Variants in ZBTB20 observed in about 807,000 individuals in gnomAD.
The protein encoded by ZBTB20 is zinc finger and BTB domain containing 20.
ZBTB20 carries 9 observed loss-of-function variants against 56.9 expected under a neutral mutation model. The ratio of observed to expected loss-of-function variants is 0.16; its 90% confidence interval spans 0.10 to 0.28. ZBTB20 has a LOEUF of 0.28. ZBTB20 is among the 10% of genes least tolerant of loss of function. The probability of loss-of-function intolerance (pLI) is 1.00; values close to 1 mark genes in which losing one functional copy is unlikely to be tolerated. For missense variants in ZBTB20, 655 were observed against 1,003.0 expected (o/e 0.65, Z 4.69); for synonymous variants, 417 against 420.7 (o/e 0.99, Z 0.11).
chr3:114,976,966 A>T (rs11917135), intron 2 of ZBTB20, among the ~76,000 whole-genome samples: 16,100 of 152,134 alleles, frequency 0.11, 2,521 homozygotes, highest in African/African-American at 0.34. Context: ...TGAATCAATC[A>T]AACTCTGTTA....
chr3:114,992,825 C>T (rs115938466), intron 2 of ZBTB20, among the ~76,000 whole-genome samples: 2,272 of 151,924 alleles, frequency 0.015, 39 homozygotes, highest in African/African-American at 0.019. Flanking sequence ...AACCCAGATA[C>T]GTGCCATGAG....
At chr3:114,588,348 C>T (rs1294812165) in intron 6 of ZBTB20, among the ~76,000 whole-genome samples, 1 of 152,190 alleles carries the variant, frequency 6.6e-6, no homozygotes, top group Admixed American at 6.5e-5. Context: ...GTTACTCAGT[C>T]TTAAAATGAA....
intron 10 of ZBTB20, among the ~76,000 whole-genome samples, chr3:114,354,510 ACATGTAACATCT>A (rs1157314340): frequency 1.3e-5 from 2 of 150,930 alleles, no homozygotes; most frequent in Admixed American, 6.6e-5. Context: ...CAACTTTTTT[ACATGTAACATCT>A]CATTTATTCC....
intron 6 of ZBTB20, among the ~76,000 whole-genome samples, chr3:114,503,686 A>G (rs1348892485): frequency 2.0e-5 from 3 of 152,106 alleles, no homozygotes; most frequent in Non-Finnish European, 4.4e-5. Flanking sequence ...AGCCCAAGTA[A>G]TTCAGGACGT....
intron 2 of ZBTB20, among the ~76,000 whole-genome samples, chr3:115,044,307 AAAAAC>A (rs1453041376): frequency 6.6e-6 from 1 of 152,210 alleles, no homozygotes; most frequent in South Asian, 2.1e-4. Context: ...TTGCAGCGAG[AAAAAC>A]AAAACAAAAC....
intron 3 of ZBTB20, among the ~76,000 whole-genome samples, chr3:114,961,857 G>T (rs572818504): frequency 1.3e-5 from 2 of 152,208 alleles, no homozygotes; most frequent in South Asian, 4.1e-4. Context: ...TAATAAGAAT[G>T]CTATTGTTAT....
At chr3:115,127,030 T>C (rs1304040040) in intron 1 of ZBTB20, among the ~76,000 whole-genome samples, 2 of 152,330 alleles carry the variant, frequency 1.3e-5, no homozygotes, top group East Asian at 1.9e-4. Context: ...TATGAATGAC[T>C]TGGAGTCTTG....
intron 3 of ZBTB20, among the ~76,000 whole-genome samples, chr3:114,964,031 T>TAAATACTTTGAGC (rs2077550517): frequency 6.6e-6 from 1 of 152,176 alleles, no homozygotes; most frequent in African/African-American, 2.4e-5. Context: ...ATTTATTGAG[T>TAAATACTTTGAGC]AAATACTTTG....
chr3:114,665,906 A>T (rs975967215), intron 6 of ZBTB20, among the ~76,000 whole-genome samples: 14 of 152,052 alleles, frequency 9.2e-5, no homozygotes, highest in African/African-American at 3.4e-4. Context: ...TAAGATAGCA[A>T]TATTGTAGCT....
rs201595923 is a variant in ZBTB20, at chr3:114,814,400, TC to T, written c.-416-13227del. On this transcript the variant is annotated intron_variant, in intron 4 of 11. Coordinates refer to ENST00000675478, the MANE Select transcript of ZBTB20 (RefSeq NM_001348800.3). ...TACTGTATATTTGTCTATCTACCCT[TC>T]CATGTAACAATTCATCTAAATTTAC... Among the ~76,000 whole-genome samples, 1,149 of 152,062 alleles carry T rather than the reference TC, an allele frequency of 7.6e-3. 11 individuals carry two copies. Among genetic ancestry groups the T allele is most frequent in the African/African-American group, 0.026 (1,093 of 41,496 alleles).
intron 3 of ZBTB20, among the ~76,000 whole-genome samples, chr3:114,921,407 G>A (rs2075953253): frequency 6.6e-6 from 1 of 152,050 alleles, no homozygotes; most frequent in African/African-American, 2.4e-5. Flanking sequence ...ACAGGTGTGA[G>A]CCACCGTGCC....
intron 6 of ZBTB20, among the ~76,000 whole-genome samples, chr3:114,531,942 C>T (rs772790529): frequency 3.3e-5 from 5 of 152,140 alleles, no homozygotes; most frequent in Non-Finnish European, 5.9e-5. Flanking sequence ...CCATGAGGTT[C>T]GGTGTATTCC....
intron 2 of ZBTB20, among the ~76,000 whole-genome samples, chr3:115,048,919 A>C (rs150902507): frequency 2.0e-5 from 3 of 152,288 alleles, no homozygotes; most frequent in Admixed American, 2.0e-4. Flanking sequence ...TTACTTCTAC[A>C]ACCTCACCTT....
At chr3:114,964,718 G>A (rs1482484542) in intron 3 of ZBTB20, among the ~76,000 whole-genome samples, 1 of 152,066 alleles carries the variant, frequency 6.6e-6, no homozygotes, top group Non-Finnish European at 1.5e-5. Context: ...AAGAGATATG[G>A]GAGTTTGGAA....
intron 7 of ZBTB20, among the ~76,000 whole-genome samples, chr3:114,422,417 G>A (rs985372080): frequency 6.6e-6 from 1 of 151,596 alleles, no homozygotes; most frequent in Non-Finnish European, 1.5e-5. Flanking sequence ...TACTGCAACC[G>A]GACGTTACCC....
In ZBTB20 at chr3:114,339,831, G is replaced by A. The variant is rs544436395; in HGVS notation, c.1805-405C>T. On this transcript the variant is annotated intron_variant, in intron 11 of 11. Transcript: ENST00000675478. The surrounding 1 kb of genome is among the most constrained non-coding windows in gnomAD (Gnocchi z 4.2). ...TATCAAACAAATAGAAGAAATAAGA[G>A]AGAAGAAAGATCGTTGGAGACATGG... Among the ~76,000 whole-genome samples the A allele has an allele frequency of 1.4e-3, 216 of 152,310 alleles. No homozygotes were observed. The highest frequency in any genetic ancestry group is 2.5e-3 in the Non-Finnish European group (167 of 68,034).
chr3:114,703,787 C>T (rs1421925935), intron 5 of ZBTB20, among the ~76,000 whole-genome samples: 1 of 152,154 alleles, frequency 6.6e-6, no homozygotes, highest in Non-Finnish European at 1.5e-5. Flanking sequence ...TGAGATATCT[C>T]CTTTAGGTGA....
At chr3:114,577,719 GC>G (rs955159557) in intron 6 of ZBTB20, among the ~76,000 whole-genome samples, 3 of 152,168 alleles carry the variant, frequency 2.0e-5, no homozygotes, top group African/African-American at 7.2e-5. Flanking sequence ...GCCAACTACT[GC>G]CTGGGGAAAC....
In ZBTB20 at chr3:114,351,457, C is replaced by G; in HGVS notation, c.621G>C (p.Ser207=). 1 of 1,613,750 alleles carries G rather than the reference C, an allele frequency of 6.2e-7. No homozygotes were observed. The highest frequency in any genetic ancestry group is 1.1e-5 in the South Asian group (1 of 91,084). The change falls in exon 11 of 12, where the codon TCG becomes TCC. Residue 207 remains serine (S), a synonymous_variant. Transcript: ENST00000675478. The part of the protein sequence containing the change: ...VGDVFPGIQD[S]GQDTPRGTPE... ...GAGTGCCCCGCGGCGTGTCCTGGCC[C>G]GAGTCCTGGATCCCCGGGAACACAT...
Sources: gnomAD v4.1 joint callset for allele counts (sites outside exome capture counted in the v4.1 genomes callset) on GRCh38, gnomAD v4.1.1 for gene constraint, Gnocchi (gnomAD v3.1) non-coding constraint, MANE v1.5 for transcripts, NCBI Gene and HGNC (gene_info 2026-07-23, HGNC 2026-07-21) for gene names.